TRHDE: variants seen among roughly 807,000 people sequenced by gnomAD.
TRHDE encodes the protein thyrotropin releasing hormone degrading enzyme, also known as thyrotropin-releasing hormone-degrading ectoenzyme.
In TRHDE, 72 loss-of-function variants were observed where a neutral mutation model predicts 125.7. The observed-to-expected ratio is 0.57, with a 90% CI of 0.47 to 0.70. The LOEUF is 0.70. Among genes scored for constraint, TRHDE ranks in the 30% least tolerant of loss-of-function variants. The pLI, the probability that TRHDE is intolerant of heterozygous loss-of-function variation, is 0.00. For synonymous variants in TRHDE, 509 were observed against 509.1 expected (o/e 1.00, Z 0.00); for missense variants, 1,110 against 1,327.1 (o/e 0.84, Z 2.54).
At chr12:72,405,218 C>G (rs182824973) in intron 3 of TRHDE, among the ~76,000 whole-genome samples, 1 of 152,242 alleles carries the variant, frequency 6.6e-6, no homozygotes, top group Non-Finnish European at 1.5e-5. Flanking sequence ...CCCAAGACAT[C>G]GTAACTTGGC....
intron 2 of TRHDE, among the ~76,000 whole-genome samples, chr12:72,115,492 T>C (rs1008251769): frequency 2.0e-5 from 3 of 152,158 alleles, no homozygotes; most frequent in Admixed American, 6.6e-5. Flanking sequence ...CTATTGTGAA[T>C]AGTGCTACAA....
At chr12:72,508,833 T>C (rs1878464419) in intron 6 of TRHDE, among the ~76,000 whole-genome samples, 2 of 152,130 alleles carry the variant, frequency 1.3e-5, no homozygotes, top group Non-Finnish European at 2.9e-5. Flanking sequence ...GCTGTTCTCA[T>C]GATAGTGAAT....
At chr12:72,175,143 A>G (rs1044104139) in intron 2 of TRHDE, among the ~76,000 whole-genome samples, 1 of 152,158 alleles carries the variant, frequency 6.6e-6, no homozygotes, top group Non-Finnish European at 1.5e-5. Context: ...GTGATTAGCA[A>G]TTCCCCTTTT....
intron 5 of TRHDE, among the ~76,000 whole-genome samples, chr12:72,488,669 T>C (rs1171241350): frequency 6.6e-6 from 1 of 152,020 alleles, no homozygotes; most frequent in Non-Finnish European, 1.5e-5. Context: ...TAGACATATA[T>C]GGAACTTTTT....
At chr12:72,430,144 A>G (rs1042260896) in intron 3 of TRHDE, among the ~76,000 whole-genome samples, 1 of 150,764 alleles carries the variant, frequency 6.6e-6, no homozygotes, top group African/African-American at 2.4e-5. Context: ...GTTTATGTCT[A>G]TAATCCATTT....
chr12:72,173,313 GA>G (rs1876917157), intron 2 of TRHDE, among the ~76,000 whole-genome samples: 1 of 152,132 alleles, frequency 6.6e-6, no homozygotes, highest in Non-Finnish European at 1.5e-5. Flanking sequence ...AGGTTGCTGT[GA>G]CCTGATAGTG....
At chr12:72,450,483 G>T (rs1875517323) in intron 3 of TRHDE, among the ~76,000 whole-genome samples, 1 of 151,910 alleles carries the variant, frequency 6.6e-6, no homozygotes, top group African/African-American at 2.4e-5. Flanking sequence ...ATACATCGTG[G>T]AATGGCTAAG....
chr12:72,165,803 T>C (rs890331600), intron 2 of TRHDE, among the ~76,000 whole-genome samples: 7 of 151,964 alleles, frequency 4.6e-5, no homozygotes, highest in Admixed American at 1.3e-4. Context: ...GCCTCCTGAA[T>C]AGCTGGGACT....
intron 3 of TRHDE, among the ~76,000 whole-genome samples, chr12:72,387,762 C>A (rs1872484198): frequency 6.6e-6 from 1 of 152,030 alleles, no homozygotes. Flanking sequence ...ATAAGTCTCA[C>A]GAGATTTGAT....
At chr12:72,260,790 C>G in intron 2 of TRHDE, among the ~76,000 whole-genome samples, 1 of 152,088 alleles carries the variant, frequency 6.6e-6, no homozygotes, top group Middle Eastern at 3.2e-3. Flanking sequence ...TCGAAATACG[C>G]GTATGAAGGA....
intron 2 of TRHDE, among the ~76,000 whole-genome samples, chr12:72,118,789 T>A (rs1875508691): frequency 6.6e-6 from 1 of 152,190 alleles, no homozygotes; most frequent in Non-Finnish European, 1.5e-5. Flanking sequence ...AGGTTGTATG[T>A]GTCTAGAAAT....
At chr12:72,138,751 G>A (rs991132301) in intron 2 of TRHDE, among the ~76,000 whole-genome samples, 2 of 152,192 alleles carry the variant, frequency 1.3e-5, no homozygotes, top group South Asian at 2.1e-4. Flanking sequence ...AAGATATTCC[G>A]TTGTCCAGTG....
At chr12:72,437,727 T>C (rs1246753280) in intron 3 of TRHDE, among the ~76,000 whole-genome samples, 3 of 151,818 alleles carry the variant, frequency 2.0e-5, no homozygotes. Context: ...TATAGTGGAG[T>C]AACTAAATCT....
chr12:72,584,926 C>T (rs1378465760), intron 12 of TRHDE, among the ~76,000 whole-genome samples: 1 of 152,168 alleles, frequency 6.6e-6, no homozygotes, highest in Non-Finnish European at 1.5e-5. Context: ...CCTATATTCT[C>T]CTAATAAGCA....
intron 15 of TRHDE, among the ~76,000 whole-genome samples, chr12:72,650,895 T>C (rs1415314712): frequency 6.6e-6 from 1 of 152,120 alleles, no homozygotes; most frequent in Non-Finnish European, 1.5e-5. Context: ...GCAATGCCTT[T>C]AGTGATTTCA....
chr12:72,517,321 C>A (rs9668666), intron 6 of TRHDE, among the ~76,000 whole-genome samples: 24,562 of 144,896 alleles, frequency 0.17, 2,238 homozygotes, highest in East Asian at 0.47. Flanking sequence ...ACAATTTCAG[C>A]TCCTGTTATT....
chr12:72,400,818 T>A (rs2135802558), intron 3 of TRHDE, among the ~76,000 whole-genome samples: 1 of 152,292 alleles, frequency 6.6e-6, no homozygotes, highest in Admixed American at 6.5e-5. Context: ...TAATGTTCTC[T>A]TGTGTCTTCT....
rs200733710 is a variant in TRHDE, at chr12:72,228,322, T to C, written n.279+122570T>C. On this transcript the variant is annotated intron_variant and non_coding_transcript_variant, in intron 2 of 4. Coordinates refer to the TRHDE transcript ENST00000548156. ...GTGCAACTAGAGGCCCAACACCACA[T>C]GTAAGCTTCCAAGGCTTGGGGCTTG... Among the ~76,000 whole-genome samples the C allele has an allele frequency of 7.2e-5, 11 of 152,184 alleles. No homozygotes were observed. The East Asian group carries it at 2.1e-3, about 29-fold the overall frequency.
chr12:72,509,274 C>G (rs889580622), intron 6 of TRHDE, among the ~76,000 whole-genome samples: 3 of 151,830 alleles, frequency 2.0e-5, no homozygotes, highest in Non-Finnish European at 4.4e-5. Context: ...ACCACCGCAC[C>G]CCCCCGCACA....
Sources: gnomAD v4.1 joint callset for allele counts (sites outside exome capture counted in the v4.1 genomes callset) on GRCh38, gnomAD v4.1.1 for gene constraint, MANE v1.5 for transcripts, NCBI Gene and HGNC (gene_info 2026-07-23, HGNC 2026-07-21) for gene names.